Variants in LYRM4 observed in about 807,000 individuals in gnomAD.
LYRM4 encodes LYR motif-containing protein 4.
Under a neutral mutation model 11.7 loss-of-function variants are expected in LYRM4, and 9 were observed. The observed-to-expected ratio is 0.77, with a 90% CI of 0.46 to 1.34. The LOEUF is 1.34. LYRM4 is among the 40% of genes most tolerant of loss of function. The probability of loss-of-function intolerance (pLI) is 0.00; values close to 1 mark genes in which losing one functional copy is unlikely to be tolerated. For synonymous variants in LYRM4, 42 were observed against 40.4 expected, an observed-to-expected ratio of 1.04 and a Z score of -0.15; for missense variants, 133 against 112.5, an observed-to-expected ratio of 1.18 and a Z score of -0.82.
chr6:5,260,703 A>G lies in LYRM4; in HGVS notation c.31T>C (p.Ser11Pro), dbSNP rs2224391. The change falls in exon 1 of 3, where the codon TCT becomes CCT. Residue 11 changes from serine (S) to proline (P), a missense_variant. Ser to Pro is a moderately conservative substitution (Grantham distance 74). Coordinates refer to ENST00000330636, the MANE Select transcript of LYRM4 (RefSeq NM_020408.6). Reference sequence around the variant, plus strand: ...TCTCTCAGCATCGCCCGGTACAGAGATAACACTTGTGCGCGACTGGAGGCT... The same window carrying G: ...TCTCTCAGCATCGCCCGGTACAGAGGTAACACTTGTGCGCGACTGGAGGCT... MAASSRAQVL[S>P]LYRAMLRESK... is the part of the protein sequence containing the mutation. The G allele has an allele frequency of 2.6e-6, 4 of 1,553,438 alleles. No individual in the cohort carries two copies. The highest frequency in any genetic ancestry group is 1.9e-5 in the Admixed American group (1 of 52,022).
the LYRM4 span, among the ~76,000 whole-genome samples, chr6:5,043,997 C>T: frequency 6.6e-6 from 1 of 152,168 alleles, no homozygotes; most frequent in Non-Finnish European, 1.5e-5. Context: ...CTTCCCTGTG[C>T]GGCCCTGTGG....
At chr6:5,047,952 C>T in the LYRM4 span, among the ~76,000 whole-genome samples, 3 of 152,152 alleles carry the variant, frequency 2.0e-5, no homozygotes, top group African/African-American at 7.2e-5. Flanking sequence ...CTGAGGTCAC[C>T]ATTAAAGTTG....
the LYRM4 span, chr6:5,086,493 C>T: frequency 1.3e-6 from 2 of 1,537,496 alleles, no homozygotes; most frequent in Non-Finnish European, 1.7e-6. Context: ...GCGCGCAGGG[C>T]GAGTACTGGG....
At chr6:5,058,052 T>C in the LYRM4 span, among the ~76,000 whole-genome samples, 1 of 152,130 alleles carries the variant, frequency 6.6e-6, no homozygotes, top group African/African-American at 2.4e-5. Flanking sequence ...ACACCCTGCC[T>C]CTATTCAGTT....
At chr6:5,119,704 G>A (rs1763321096) in intron 2 of LYRM4, among the ~76,000 whole-genome samples, 1 of 145,738 alleles carries the variant, frequency 6.9e-6, no homozygotes, top group Admixed American at 7.0e-5. Flanking sequence ...CAGGAGAAAT[G>A]CTTGAACCTG....
intron 2 of LYRM4, among the ~76,000 whole-genome samples, chr6:5,201,019 AATTTTTC>A (rs1307053783): frequency 6.6e-6 from 1 of 152,174 alleles, no homozygotes; most frequent in Non-Finnish European, 1.5e-5. Flanking sequence ...AATTAAGATT[AATTTTTC>A]ATTTTTTGTG....
chr6:5,195,867 A>T (rs978954454), intron 2 of LYRM4, among the ~76,000 whole-genome samples: 1 of 152,146 alleles, frequency 6.6e-6, no homozygotes, highest in Non-Finnish European at 1.5e-5. Context: ...CTTATCTATC[A>T]CTGTATCCCC....
At chr6:5,053,757 G>A in the LYRM4 span, among the ~76,000 whole-genome samples, 1 of 152,146 alleles carries the variant, frequency 6.6e-6, no homozygotes, top group Non-Finnish European at 1.5e-5. Context: ...GTAAGTAATA[G>A]GTCTGTATGG....
chr6:5,051,425 G>A, the LYRM4 span, among the ~76,000 whole-genome samples: 1 of 152,104 alleles, frequency 6.6e-6, no homozygotes, highest in Admixed American at 6.6e-5. Context: ...CAACAAGAAA[G>A]AAATGACTCA....
chr6:5,119,371 T>C (rs967579550), intron 2 of LYRM4, among the ~76,000 whole-genome samples: 3 of 152,212 alleles, frequency 2.0e-5, no homozygotes, highest in African/African-American at 4.8e-5. Context: ...TGGGTGACTA[T>C]AGATAGAGCG....
At chr6:5,121,920 C>A (rs545385497) in intron 2 of LYRM4, among the ~76,000 whole-genome samples, 1 of 152,328 alleles carries the variant, frequency 6.6e-6, no homozygotes, top group Non-Finnish European at 1.5e-5. Flanking sequence ...TGAGCAAGTT[C>A]TTGATGGTGT....
At chr6:5,228,203 A>G (rs1763008849) in intron 1 of LYRM4, among the ~76,000 whole-genome samples, 1 of 152,254 alleles carries the variant, frequency 6.6e-6, no homozygotes, top group Admixed American at 6.5e-5. Context: ...ATATGGCAGA[A>G]AAACCCCCTA....
chr6:5,096,480 C>A, the LYRM4 span, among the ~76,000 whole-genome samples: 1 of 152,118 alleles, frequency 6.6e-6, no homozygotes, highest in Admixed American at 6.6e-5. Flanking sequence ...CAGAGCAAGA[C>A]TGTTTCAAAA....
At chr6:5,220,658 TG>T (rs1762527998) in intron 1 of LYRM4, among the ~76,000 whole-genome samples, 1 of 152,222 alleles carries the variant, frequency 6.6e-6, no homozygotes, top group South Asian at 2.1e-4. Context: ...TCCGGGAGCC[TG>T]CTGCTGCTTT....
intron 2 of LYRM4, among the ~76,000 whole-genome samples, chr6:5,115,346 C>T (rs966417448): frequency 5.3e-5 from 8 of 152,146 alleles, no homozygotes; most frequent in African/African-American, 9.7e-5. Flanking sequence ...AAGGCTTTGG[C>T]GGCACACTTA....
the LYRM4 span, chr6:5,086,561 G>A: frequency 1.1e-5 from 16 of 1,507,714 alleles, no homozygotes; most frequent in African/African-American, 1.9e-4. Flanking sequence ...GACGCGCTCT[G>A]AGCCTGGAGA....
At position 5,131,948 on chromosome 6, in the gene LYRM4, C is replaced by T. The variant is rs912608987; in HGVS notation, c.208-22457G>A. Among the ~76,000 whole-genome samples the T allele has an allele frequency of 2.2e-5, 3 of 136,706 alleles. No homozygotes were observed. The Admixed American group carries it at 2.3e-4, about 10-fold the overall frequency. The allele number at this position is 136,706 out of a possible 152,430, so 89.7% of individuals were successfully genotyped here. On this transcript the variant is annotated intron_variant, in intron 2 of 2. Transcript: ENST00000330636. ...TCATTATTTTATCCCTGACTTACGC[C>T]TTTATCTTTAAGCAGTCGTGGATCC...
chr6:5,199,590 CA>C (rs1157850026), intron 2 of LYRM4, among the ~76,000 whole-genome samples: 9 of 152,172 alleles, frequency 5.9e-5, no homozygotes, highest in African/African-American at 1.9e-4. Context: ...CAGGGAAGAA[CA>C]GTCACTACCA....
chr6:5,201,687 C>T (rs770141257), intron 2 of LYRM4, among the ~76,000 whole-genome samples: 2 of 152,124 alleles, frequency 1.3e-5, no homozygotes, highest in South Asian at 4.1e-4. Context: ...TCAGGAATCA[C>T]GGGGCTGTGG....
Sources: allele counts gnomAD v4.1 joint callset (sites outside exome capture counted in the v4.1 genomes callset), GRCh38; gene constraint gnomAD v4.1.1; transcripts MANE v1.5; gene names NCBI Gene and HGNC (gene_info 2026-07-23, HGNC 2026-07-21).